The following INA variants were observed in gnomAD, a reference collection of about 807,000 sequenced individuals.
The protein encoded by INA is internexin neuronal intermediate filament protein alpha.
Under a neutral mutation model 40.1 loss-of-function variants are expected in INA, and 35 were observed. That is an observed-to-expected ratio of 0.87 (90% CI 0.67 to 1.16). The LOEUF (loss-of-function observed/expected upper bound fraction) is 1.16, where lower values mean the gene tolerates loss of function less well. Ranked by LOEUF, INA falls within the 50% of genes most tolerant of loss-of-function variation. The pLI is 0.00. For synonymous variants in INA, 290 were observed against 316.9 expected, an observed-to-expected ratio of 0.92 and a Z score of 0.90; for missense variants, 594 against 686.7, an observed-to-expected ratio of 0.87 and a Z score of 1.51.
chr10:103,288,162 G>A (rs968870793), intron 2 of INA, among the ~76,000 whole-genome samples, 198 bp from the exon 3 acceptor site: 1 of 151,948 alleles, frequency 6.6e-6, no homozygotes, highest in Non-Finnish European at 1.5e-5. Flanking sequence ...GGTGCTGAAG[G>A]GGGGTGTGTG....
At position 103,277,431 on chromosome 10, in the gene INA, G is replaced by C. The variant is rs1051210597; in HGVS notation, c.220G>C (p.Gly74Arg). The stretch of plus-strand genomic sequence containing the variant: ...CTATCGCCGGCCGCCGGCGTCCGAC[G>C]GGCTGGACCTGAGCCAGGCGGCGGC... The part of the protein sequence containing the change: ...LAYRRPPASD[G>R]LDLSQAAART... Residue 74 changes from glycine (G) to arginine (R), a missense_variant, in exon 1 of 3, where the codon GGG (glycine) becomes CGG (arginine). Physicochemically the swap from Gly to Arg is moderately radical, Grantham distance 125. Around this residue, in one of 2 missense-constraint regions of INA, gnomAD observed 215 missense variants for 190.6 expected, o/e 1.13. Transcript: ENST00000369849. The surrounding 1 kb of genome is among the most constrained non-coding windows in gnomAD (Gnocchi z 5.6). 6.4e-7 allele frequency: 1 copy of C among 1,563,464 alleles called. No homozygotes were observed. The highest frequency in any genetic ancestry group is 8.6e-7 in the Non-Finnish European group (1 of 1,160,394).
In INA at chr10:103,288,533, C is replaced by T. The variant is rs2093092235; in HGVS notation, c.1364C>T (p.Ala455Val). 1 of 1,613,544 alleles carries T rather than the reference C, an allele frequency of 6.2e-7. No homozygotes were observed. Among genetic ancestry groups the T allele is most frequent in the African/African-American group, 1.3e-5 (1 of 74,806 alleles). The change falls in exon 3 of 3, where the codon GCA becomes GTA. Residue 455 changes from alanine (A) to valine (V), a missense_variant. Physicochemically the swap from Ala to Val is moderately conservative, Grantham distance 64 (BLOSUM62 0). Around this residue, in one of 2 missense-constraint regions of INA, gnomAD observed 379 missense variants for 496.1 expected, o/e 0.76. Transcript: ENST00000369849. ...SLKKEEEEEE[A>V]SKVASKKTSQ... ...AAGAAAGAGGAGGAGGAGGAGGAGGCATCTAAGGTAGCCTCTAAGAAAACC... is the reference window on the plus strand; with the variant it reads ...AAGAAAGAGGAGGAGGAGGAGGAGGTATCTAAGGTAGCCTCTAAGAAAACC...
At chr10:103,288,024 C>T (rs2093090502) in intron 2 of INA, among the ~76,000 whole-genome samples, 1 of 152,174 alleles carries the variant, frequency 6.6e-6, no homozygotes, top group Non-Finnish European at 1.5e-5. Context: ...AAAAGTACTT[C>T]TCCCTAGAGC....
intron 1 of INA, chr10:103,280,020 G>A: frequency 1.6e-6 from 2 of 1,282,860 alleles, no homozygotes; most frequent in Middle Eastern, 4.3e-4. Flanking sequence ...CTTACTCAGA[G>A]CTGCCAGCTG....
intron 1 of INA, 124 bp from the exon 2 acceptor site, chr10:103,286,911 A>T: frequency 1.0e-6 from 1 of 982,070 alleles, no homozygotes; most frequent in Non-Finnish European, 1.5e-6. Flanking sequence ...ACCTGGATAT[A>T]AGCAAGTTAT....
chr10:103,287,069 A>G lies in INA; in HGVS notation c.1100A>G (p.Asn367Ser), dbSNP rs1426635809. 4 of 1,613,860 alleles carry G rather than the reference A, an allele frequency of 2.5e-6. No homozygotes were observed. The highest frequency in any genetic ancestry group is 3.4e-6 in the Non-Finnish European group (4 of 1,179,918). ...SIGQLENDLR[N>S]TKSEMARHLR... Reference sequence around the variant, plus strand: ...GGGCAGCTGGAGAATGATCTGAGGAACACCAAGAGTGAGATGGCACGCCAC... The same window carrying G: ...GGGCAGCTGGAGAATGATCTGAGGAGCACCAAGAGTGAGATGGCACGCCAC... Residue 367 changes from asparagine (N) to serine (S), a missense_variant, in exon 2 of 3, where the codon AAC becomes AGC. Physicochemically the swap from Asn to Ser is conservative, Grantham distance 46 (BLOSUM62 1). Transcript: ENST00000369849.
At chr10:103,284,477 C>T (rs370669180) in intron 1 of INA, among the ~76,000 whole-genome samples, 11 of 152,126 alleles carry the variant, frequency 7.2e-5, no homozygotes, top group Non-Finnish European at 1.2e-4. Flanking sequence ...TTGCCGGGGC[C>T]GGACACTGTG....
At chr10:103,287,429 C>T (rs577515052) in intron 2 of INA, among the ~76,000 whole-genome samples, 6 of 152,214 alleles carry the variant, frequency 3.9e-5, no homozygotes, top group Middle Eastern at 3.4e-3. Flanking sequence ...CCATGAGACT[C>T]GTAACTTTAA....
Position 103,289,213 on chromosome 10 carries a change from ATAGTC to A in INA, c.*549_*553del, listed in dbSNP as rs2093094014. Reference sequence around the variant, plus strand: ...TCCTTTTCTTCTATGTAGGAAAAAAATAGTCTAGTGTAGTATTCTTCCCTTTTAAA... The same window carrying A: ...TCCTTTTCTTCTATGTAGGAAAAAAATAGTGTAGTATTCTTCCCTTTTAAA... On this transcript the variant is annotated 3_prime_UTR_variant, in exon 3 of 3. Transcript: ENST00000369849. 6.5e-6 allele frequency: 1 copy of A among 152,898 alleles called. No homozygotes were observed. The highest frequency in any genetic ancestry group is 6.5e-5 in the Admixed American group (1 of 15,290). 9.5% of individuals were successfully genotyped at this position (152,898 alleles called of 1,614,324 possible).
At chr10:103,285,776 C>T (rs967231042) in intron 1 of INA, among the ~76,000 whole-genome samples, 4 of 152,004 alleles carry the variant, frequency 2.6e-5, no homozygotes, top group African/African-American at 7.2e-5. Context: ...TGCCACTGCA[C>T]CCAGCTAATT....
Position 103,288,444 on chromosome 10 carries a change from C to A in INA, c.1275C>A (p.Tyr425Ter), listed in dbSNP as rs1178873571. 1 of 1,613,674 alleles carries A rather than the reference C, an allele frequency of 6.2e-7. No homozygotes were observed. Among genetic ancestry groups the A allele is most frequent in the African/African-American group, 1.3e-5 (1 of 74,818 alleles). The change falls in exon 3 of 3, where the codon TAC becomes TAA. Residue 425 changes from tyrosine (Y) to a stop codon, truncating the protein, a stop_gained. Transcript: ENST00000369849. LOFTEE classifies it high-confidence loss of function. The part of the protein sequence containing the change: ...SGLNPLPNPS[Y>*]LLPPRILSAT... Reference sequence around the variant, plus strand: ...TGAATCCACTTCCCAATCCAAGTTACCTGCTCCCACCTAGAATCCTCAGTG... The same window carrying A: ...TGAATCCACTTCCCAATCCAAGTTAACTGCTCCCACCTAGAATCCTCAGTG...
chr10:103,277,949 G>C lies in INA; in HGVS notation c.738G>C (p.Ser246=). The change falls in exon 1 of 3, where the codon TCG becomes TCC. Residue 246 remains serine, a synonymous_variant. Coordinates refer to ENST00000369849, the MANE Select transcript of INA (RefSeq NM_032727.4). This position sits in a 1 kb window ranked among gnomAD's most constrained non-coding sequence, Gnocchi z 5.6. ...AELLATLQAS[S]QAAAEVDVTV... ...TGCTGGCCACGCTGCAGGCGTCGTC[G>C]CAGGCCGCGGCCGAGGTGGACGTGA... The C allele has an allele frequency of 6.4e-7, 1 of 1,559,218 alleles. No homozygotes were observed. Among genetic ancestry groups the C allele is most frequent in the Non-Finnish European group, 8.7e-7 (1 of 1,152,178 alleles).
At chr10:103,279,972 T>G in intron 1 of INA, 1 of 1,289,362 alleles carries the variant, frequency 7.8e-7, no homozygotes, top group Non-Finnish European at 1.0e-6. Flanking sequence ...GGTGGTCTTC[T>G]GGAGGGCTAG....
rs1308453442 is a variant in INA at position 103,289,547 on chromosome 10, C to A, written c.*878C>A. The A allele has an allele frequency of 6.6e-6, 1 of 152,530 alleles. No homozygotes were observed. The highest frequency in any genetic ancestry group is 6.5e-5 in the Admixed American group (1 of 15,280). 9.4% of individuals were successfully genotyped at this position (152,530 alleles called of 1,614,324 possible). On this transcript the variant is annotated 3_prime_UTR_variant, in exon 3 of 3. Transcript: ENST00000369849. ...TTACTTTAGAAGCACAGTAAATATC[C>A]CAAACTGTGATGAAGCCGACCTTAG...
intron 1 of INA, chr10:103,279,870 T>C: frequency 1.4e-5 from 16 of 1,105,642 alleles, no homozygotes; most frequent in Non-Finnish European, 1.9e-5. Flanking sequence ...AACTTTTCAT[T>C]ATGTACCCTA....
chr10:103,280,775 C>T, intron 1 of INA: 1 of 985,454 alleles, frequency 1.0e-6, no homozygotes, highest in African/African-American at 1.7e-5. Context: ...AGGCTATTGT[C>T]TTCAAAAGCC....
At chr10:103,286,203 G>C (rs370849096) in intron 1 of INA, among the ~76,000 whole-genome samples, 8 of 151,834 alleles carry the variant, frequency 5.3e-5, no homozygotes, top group South Asian at 4.2e-4. Context: ...GCATGGTAGT[G>C]TACACCTGTT....
Position 103,289,366 on chromosome 10 carries a change from C to T in INA, c.*697C>T, listed in dbSNP as rs960498563. 6.6e-6 allele frequency: 1 copy of T among 152,588 alleles called. No individual in the cohort carries two copies. The highest frequency in any genetic ancestry group is 1.5e-5 in the Non-Finnish European group (1 of 68,022). The allele number at this position is 152,588 out of a possible 1,614,324, so 9.5% of individuals were successfully genotyped here. ...TACTTATCCCTGCCCATTTCATATTCTTTCAATTCTGTAGGTTAAAAAAAT... is the reference window on the plus strand; with the variant it reads ...TACTTATCCCTGCCCATTTCATATTTTTTCAATTCTGTAGGTTAAAAAAAT... On this transcript the variant is annotated 3_prime_UTR_variant, in exon 3 of 3. Transcript: ENST00000369849.
intron 1 of INA, among the ~76,000 whole-genome samples, chr10:103,283,079 A>G (rs181712609): frequency 6.8e-6 from 1 of 146,246 alleles, no homozygotes; most frequent in Non-Finnish European, 1.5e-5. Context: ...AAGAGTAAAC[A>G]TAACTTTCCG....
Sources: allele counts gnomAD v4.1 joint callset (sites outside exome capture counted in the v4.1 genomes callset), GRCh38; gene constraint gnomAD v4.1.1; regional missense constraint gnomAD v4.1.1; non-coding constraint Gnocchi (gnomAD v3.1); transcripts MANE v1.5; gene names NCBI Gene and HGNC (gene_info 2026-07-23, HGNC 2026-07-21).